NLRP5: variants seen among roughly 807,000 people sequenced by gnomAD.
NLRP5 encodes the protein NLR family pyrin domain containing 5.
NLRP5 carries 93 observed loss-of-function variants against 113.1 expected under a neutral mutation model. The observed-to-expected ratio is 0.82, with a 90% CI of 0.70 to 0.98. The LOEUF is 0.98. NLRP5 is among the 50% of genes least tolerant of loss of function. The pLI, the probability that NLRP5 is intolerant of heterozygous loss-of-function variation, is 0.00. For synonymous variants in NLRP5, 751 were observed against 600.7 expected, an observed-to-expected ratio of 1.25 and a Z score of -3.66; for missense variants, 1,808 against 1,514.3, an observed-to-expected ratio of 1.19 and a Z score of -3.22.
chr19:55,986,921 C>T, the NLRP5 span, among the ~76,000 whole-genome samples: 14 of 152,334 alleles, frequency 9.2e-5, 1 homozygote, highest in Admixed American at 2.0e-4. Context: ...CCCACCCTCT[C>T]CCTTCTGGCT....
chr19:56,046,630 T>A (rs1380693039), intron 11 of NLRP5, among the ~76,000 whole-genome samples: 2 of 152,014 alleles, frequency 1.3e-5, no homozygotes, highest in African/African-American at 4.8e-5. Flanking sequence ...AAGCTCTGCC[T>A]CCCGGGTTCA....
the NLRP5 span, among the ~76,000 whole-genome samples, chr19:55,990,242 C>G: frequency 6.6e-6 from 1 of 151,704 alleles, no homozygotes; most frequent in Non-Finnish European, 1.5e-5. Context: ...GCACACGCCA[C>G]GATGCCCGGC....
intron 2 of NLRP5, among the ~76,000 whole-genome samples, chr19:56,008,485 TGA>T (rs1982037114): frequency 6.6e-6 from 1 of 152,122 alleles, no homozygotes; most frequent in African/African-American, 2.4e-5. Context: ...AGACAGGTCT[TGA>T]GGAGGACTCC....
intron 3 of NLRP5, among the ~76,000 whole-genome samples, chr19:56,013,278 C>T (rs932121721): frequency 1.3e-5 from 2 of 152,028 alleles, no homozygotes; most frequent in Admixed American, 6.6e-5. Context: ...CTGCAACCTC[C>T]GCCTCCCTGG....
chr19:56,025,066 T>C (rs151292318), intron 6 of NLRP5, among the ~76,000 whole-genome samples: 107 of 152,260 alleles, frequency 7.0e-4, no homozygotes, highest in African/African-American at 2.4e-3. Flanking sequence ...GAGAATCTAA[T>C]GCCTGATGAT....
At chr19:56,001,852 A>G (rs2037987456) in intron 1 of NLRP5, among the ~76,000 whole-genome samples, 1 of 152,128 alleles carries the variant, frequency 6.6e-6, no homozygotes, top group Non-Finnish European at 1.5e-5. Context: ...AAAATGTTTT[A>G]TTACATGGTA....
intron 3 of NLRP5, among the ~76,000 whole-genome samples, chr19:56,009,579 G>A (rs914846446): frequency 5.3e-5 from 8 of 152,068 alleles, no homozygotes; most frequent in African/African-American, 1.7e-4. Flanking sequence ...ACAATACATC[G>A]TTGGCCAAAG....
At position 56,048,475 on chromosome 19, in the gene NLRP5, T is replaced by C. The variant is rs184347577; in HGVS notation, c.2958-1943T>C. On this transcript the variant is annotated intron_variant, in intron 11 of 14. Coordinates refer to ENST00000390649, the MANE Select transcript of NLRP5 (RefSeq NM_153447.4). Reference sequence around the variant, plus strand: ...AAAAAGACTGTATCTTTCCTTCATATAAAATGCTTAGTTTTGCTGGATACA... The same window carrying C: ...AAAAAGACTGTATCTTTCCTTCATACAAAATGCTTAGTTTTGCTGGATACA... 7.8e-3 allele frequency among the ~76,000 whole-genome samples: 1,183 copies of C among 152,284 alleles called. 11 individuals are homozygous for C. Among genetic ancestry groups the C allele is most frequent in the Non-Finnish European group, 0.01 (700 of 68,028 alleles).
intron 7 of NLRP5, among the ~76,000 whole-genome samples, chr19:56,030,643 T>C (rs1261401414): frequency 2.0e-5 from 3 of 150,366 alleles, no homozygotes; most frequent in Non-Finnish European, 3.0e-5. Context: ...AATTTACATA[T>C]CATAAAAAGT....
rs1983175827 is a variant in NLRP5 at position 56,032,856 on chromosome 19, C to T, written c.2447+75C>T. ...CAGCTCTCCCCTACCTCCTGAGAGACCCATCTGAAGCCTTTCAAGTGCAGC... is the reference window on the plus strand; with the variant it reads ...CAGCTCTCCCCTACCTCCTGAGAGATCCATCTGAAGCCTTTCAAGTGCAGC... On this transcript the variant is annotated intron_variant, in intron 8 of 14. Transcript: ENST00000390649. 11 of 1,427,710 alleles carry T rather than the reference C, an allele frequency of 7.7e-6. No individual in the cohort carries two copies. In the South Asian group the frequency reaches 1.5e-4, roughly 19 times the overall value. The allele number at this position is 1,427,710 out of a possible 1,614,324, so 88.4% of individuals were successfully genotyped here. A position where few individuals can be genotyped will look rare whatever the true frequency, so the allele number is the denominator to read the frequency against.
chr19:56,047,525 T>G (rs1983773740), intron 11 of NLRP5, among the ~76,000 whole-genome samples: 1 of 152,196 alleles, frequency 6.6e-6, no homozygotes, highest in Non-Finnish European at 1.5e-5. Context: ...TTCCACGTGT[T>G]TGCATGGTTT....
Position 56,040,929 on chromosome 19 carries a change from G to T in NLRP5, c.2794G>T (p.Asp932Tyr), listed in dbSNP as rs1295292825. The T allele has an allele frequency of 1.2e-6, 2 of 1,613,584 alleles. No individual in the cohort carries two copies. Among genetic ancestry groups the T allele is most frequent in the African/African-American group, 2.7e-5 (2 of 74,914 alleles). ...GGGGCTCTCTTCTTGCAGACTGGAGGACTGTGGCATCACAGCCACGGGTTG... is the reference window on the plus strand; with the variant it reads ...GGGGCTCTCTTCTTGCAGACTGGAGTACTGTGGCATCACAGCCACGGGTTG... Residue 932 changes from aspartate (D) to tyrosine (Y), a missense_variant, in exon 11 of 15, where the codon GAC becomes TAC. Asp to Tyr is a radical substitution (Grantham distance 160, BLOSUM62 -3). Coordinates refer to ENST00000390649, the MANE Select transcript of NLRP5 (RefSeq NM_153447.4).
chr19:56,034,469 GATCCTGGT>G (rs1983239764), intron 9 of NLRP5, among the ~76,000 whole-genome samples: 1 of 152,212 alleles, frequency 6.6e-6, no homozygotes, highest in Admixed American at 6.5e-5. Flanking sequence ...CTGGGAAACA[GATCCTGGT>G]ATGGTGTGTG....
chr19:56,027,098 G>C lies in NLRP5; in HGVS notation c.865G>C (p.Gly289Arg). Reference sequence around the variant, plus strand: ...CACGGTGGTTCTGCACGGAAAGTCAGGAATTGGGAAATCGGCTCTAGCCAG... The same window carrying C: ...CACGGTGGTTCTGCACGGAAAGTCACGAATTGGGAAATCGGCTCTAGCCAG... Residue 289 changes from glycine (G) to arginine (R), a missense_variant, in exon 7 of 15, where the codon GGA (glycine) becomes CGA (arginine). By Grantham distance (125) the Gly-to-Arg change is moderately radical. Transcript: ENST00000390649. 1 of 1,572,944 alleles carries C rather than the reference G, an allele frequency of 6.4e-7. No homozygotes were observed. The highest frequency in any genetic ancestry group is 8.6e-7 in the Non-Finnish European group (1 of 1,159,278).
In NLRP5 at chr19:56,027,523, A is replaced by C; in HGVS notation, c.1290A>C (p.Arg430Ser). ...TGTCTCCCCGTTACCTGTTAGTTAG[A>C]GGAATCTCCGGGGAACAAAGAATCC... The change falls in exon 7 of 15, where the codon AGA (arginine) becomes AGC (serine). Residue 430 changes from arginine to serine, a missense_variant. Coordinates refer to ENST00000390649, the MANE Select transcript of NLRP5 (RefSeq NM_153447.4). 6.2e-7 allele frequency: 1 copy of C among 1,613,952 alleles called. No homozygotes were observed. The highest frequency in any genetic ancestry group is 8.5e-7 in the Non-Finnish European group (1 of 1,179,878).
chr19:56,034,170 C>T (rs1396359089), intron 9 of NLRP5, among the ~76,000 whole-genome samples: 1 of 152,182 alleles, frequency 6.6e-6, no homozygotes, highest in Non-Finnish European at 1.5e-5. Context: ...AGGCAGATCA[C>T]TTGAGGTCAG....
At chr19:55,987,753 G>T in the NLRP5 span, 1 of 1,224,702 alleles carries the variant, frequency 8.2e-7, no homozygotes, top group Non-Finnish European at 1.2e-6. Flanking sequence ...TGCAAGCTTA[G>T]GGAAGTCACT....
rs1295073329 is a variant in NLRP5 at position 56,028,522 on chromosome 19, G to C, written c.2276+13G>C. ...TGGTCCCTCTATGGTGAGTACCCCAGGCAGTTTTATCCTATGCCGTGTGCT... is the reference window on the plus strand; with the variant it reads ...TGGTCCCTCTATGGTGAGTACCCCACGCAGTTTTATCCTATGCCGTGTGCT... On this transcript the variant is annotated intron_variant, in intron 7 of 14. Transcript: ENST00000390649. 3 of 1,608,306 alleles carry C rather than the reference G, an allele frequency of 1.9e-6. No homozygotes were observed. Among genetic ancestry groups the C allele is most frequent in the Admixed American group, 1.7e-5 (1 of 59,786 alleles).
chr19:56,030,295 C>T (rs1033957709), intron 7 of NLRP5, among the ~76,000 whole-genome samples: 14 of 151,238 alleles, frequency 9.3e-5, no homozygotes, highest in South Asian at 6.3e-4. Context: ...GCTGGAACCC[C>T]GCGGGCGGAG....
Sources: allele counts gnomAD v4.1 joint callset (sites outside exome capture counted in the v4.1 genomes callset), GRCh38; gene constraint gnomAD v4.1.1; transcripts MANE v1.5; gene names NCBI Gene and HGNC (gene_info 2026-07-23, HGNC 2026-07-21).